The following ACSBG2 variants were observed in gnomAD, a reference collection of about 807,000 sequenced individuals.
The protein encoded by ACSBG2 is long-chain-fatty-acid--CoA ligase ACSBG2.
In ACSBG2, 62 loss-of-function variants were observed where a neutral mutation model predicts 74.7. That is an observed-to-expected ratio of 0.83 (90% CI 0.68 to 1.03). The LOEUF (loss-of-function observed/expected upper bound fraction) is 1.03, where lower values mean the gene tolerates loss of function less well. Among genes scored for constraint, ACSBG2 ranks in the 50% least tolerant of loss-of-function variants. The probability of loss-of-function intolerance (pLI) is 0.00; values close to 1 mark genes in which losing one functional copy is unlikely to be tolerated. For synonymous variants in ACSBG2, 309 were observed against 294.1 expected, an observed-to-expected ratio of 1.05 and a Z score of -0.52; for missense variants, 730 against 817.6, an observed-to-expected ratio of 0.89 and a Z score of 1.31.
At chr19:6,145,888 G>C (rs1349908848) in intron 2 of ACSBG2, among the ~76,000 whole-genome samples, 2 of 152,086 alleles carry the variant, frequency 1.3e-5, no homozygotes, top group African/African-American at 4.8e-5. Context: ...GTCTGGCATT[G>C]GGGGAGAGGG....
intron 4 of ACSBG2, among the ~76,000 whole-genome samples, chr19:6,155,165 G>A (rs1352276115): frequency 6.6e-6 from 1 of 151,976 alleles, no homozygotes; most frequent in African/African-American, 2.4e-5. Flanking sequence ...CCCAGAAATA[G>A]CTCCATGCAT....
Position 6,147,331 on chromosome 19 carries a change from A to C in ACSBG2, c.68-115A>C, listed in dbSNP as rs184523718. ...GTTGACCACATAACTTCACCCTAGA[A>C]GGGGATTAATTCAACTCTCAGCACC... On this transcript the variant is annotated intron_variant, in intron 2 of 14. Coordinates refer to ENST00000588485, the MANE Select transcript of ACSBG2 (RefSeq NM_030924.5). 3.6e-3 allele frequency: 2,669 copies of C among 746,418 alleles called. 11 individuals carry two copies. The highest frequency in any genetic ancestry group is 5.0e-3 in the Non-Finnish European group (2,265 of 449,532). The allele number at this position is 746,418 out of a possible 1,614,324, so 46.2% of individuals were successfully genotyped here.
At chr19:6,181,218 T>G (rs1600117638) in intron 8 of ACSBG2, among the ~76,000 whole-genome samples, 1 of 87,274 alleles carries the variant, frequency 1.1e-5, no homozygotes, top group African/African-American at 6.3e-5. Context: ...AGGGAGACTG[T>G]GTCAAAAAAA....
intron 7 of ACSBG2, among the ~76,000 whole-genome samples, chr19:6,171,830 C>A (rs978882467): frequency 4.6e-5 from 7 of 151,532 alleles, no homozygotes; most frequent in African/African-American, 1.7e-4. Flanking sequence ...AATTTTTCTT[C>A]TTTTCTCTCA....
Position 6,182,750 on chromosome 19 carries a change from G to A in ACSBG2, c.907-1G>A, listed in dbSNP as rs778739485. The A allele has an allele frequency of 1.2e-6, 2 of 1,613,610 alleles. No homozygotes were observed. Among genetic ancestry groups the A allele is most frequent in the South Asian group, 2.2e-5 (2 of 91,016 alleles). On this transcript the variant is annotated splice_acceptor_variant, in intron 8 of 14. Coordinates refer to ENST00000588485, the MANE Select transcript of ACSBG2 (RefSeq NM_030924.5). LOFTEE classifies it high-confidence loss of function. ...GGCTAACCTAGCTTCGTTCCATACA[G>A]GGCACCTTGGTAAGTACTCTAAAGG...
Position 6,166,005 on chromosome 19 carries a change from G to C in ACSBG2, c.728G>C (p.Ser243Thr), listed in dbSNP as rs1476458063. ...GGCATACCCAAGGGAGTGATGCTCAGTCATGACAACGTACGCCAAAGTCCC... is the reference window on the plus strand; with the variant it reads ...GGCATACCCAAGGGAGTGATGCTCACTCATGACAACGTACGCCAAAGTCCC... Reference protein sequence around the residue: ...TTGIPKGVMLSHDNITWIAGA... With the variant: ...TTGIPKGVMLTHDNITWIAGA... The change falls in exon 7 of 15, where the codon AGT becomes ACT. Residue 243 changes from serine to threonine, a missense_variant. Physicochemically the swap from Ser to Thr is moderately conservative, Grantham distance 58. Coordinates refer to ENST00000588485, the MANE Select transcript of ACSBG2 (RefSeq NM_030924.5). The C allele has an allele frequency of 6.2e-7, 1 of 1,614,036 alleles. No individual in the cohort carries two copies. Among genetic ancestry groups the C allele is most frequent in the South Asian group, 1.1e-5 (1 of 91,072 alleles).
chr19:6,147,624 T>C lies in ACSBG2; in HGVS notation c.246T>C (p.Asn82=). 2.5e-6 allele frequency: 4 copies of C among 1,614,234 alleles called. No individual in the cohort carries two copies. The South Asian group carries it at 4.4e-5, about 18-fold the overall frequency. The part of the protein sequence containing the change: ...SKNGKKWEIL[N]FNQYYEACRK... ...ATGGCAAAAAGTGGGAAATTCTGAA[T>C]TTCAACCAGTACTATGAGGCTTGTC... Residue 82 remains asparagine, a synonymous_variant, in exon 3 of 15, where the codon AAT becomes AAC. Transcript: ENST00000588485.
chr19:6,138,661 A>AGGG, intron 1 of ACSBG2, among the ~76,000 whole-genome samples: 1 of 99,322 alleles, frequency 1.0e-5, no homozygotes, highest in African/African-American at 4.6e-5. Context: ...GAAGGAAGAA[A>AGGG]GAAAAGGCAG....
chr19:6,155,154 G>A (rs2089376515), intron 4 of ACSBG2, among the ~76,000 whole-genome samples: 1 of 152,096 alleles, frequency 6.6e-6, no homozygotes, highest in South Asian at 2.1e-4. Context: ...AGAGCAGAGA[G>A]CCCAGAAATA....
At chr19:6,152,731 G>C (rs1476636252) in intron 4 of ACSBG2, among the ~76,000 whole-genome samples, 1 of 152,012 alleles carries the variant, frequency 6.6e-6, no homozygotes, top group African/African-American at 2.4e-5. Context: ...TATGCACAAA[G>C]ATACTTCTTG....
At chr19:6,146,385 G>A (rs575807618) in intron 2 of ACSBG2, among the ~76,000 whole-genome samples, 9 of 152,172 alleles carry the variant, frequency 5.9e-5, no homozygotes, top group East Asian at 1.9e-4. Context: ...CAGAAGAATC[G>A]CTTGAACCTG....
rs775414051 is a variant in ACSBG2 at position 6,165,868 on chromosome 19, G to T, written c.591G>T (p.Trp197Cys). The T allele has an allele frequency of 1.1e-5, 17 of 1,614,012 alleles. No individual in the cohort carries two copies. In the South Asian group the frequency reaches 1.9e-4, roughly 18 times the overall value. The part of the protein sequence containing the change: ...PMKKNNNLYS[W>C]DDFMELGRSI... ...CCGCTTGTCTTTTCTGTCCACAGTG[G>T]GATGATTTCATGGAACTTGGCAGAA... Residue 197 changes from tryptophan to cysteine, a missense_variant and splice_region_variant, in exon 7 of 15, where the codon TGG (tryptophan) becomes TGT (cysteine). Trp to Cys is a radical substitution (Grantham distance 215, BLOSUM62 -2). Coordinates refer to ENST00000588485, the MANE Select transcript of ACSBG2 (RefSeq NM_030924.5).
At chr19:6,140,726 G>C (rs2088793446) in intron 1 of ACSBG2, among the ~76,000 whole-genome samples, 2 of 152,084 alleles carry the variant, frequency 1.3e-5, no homozygotes, top group Admixed American at 1.3e-4. Context: ...GAAAGAGGTG[G>C]CATTGATTTT....
At chr19:6,140,905 C>T (rs78156549) in intron 1 of ACSBG2, among the ~76,000 whole-genome samples, 5,496 of 152,196 alleles carry the variant, frequency 0.036, 206 homozygotes, top group African/African-American at 0.1. Context: ...AGTCATTTTT[C>T]AGTTTCAGAT....
intron 6 of ACSBG2, among the ~76,000 whole-genome samples, chr19:6,162,566 CAAAAAA>C (rs58138677): frequency 2.4e-5 from 2 of 84,206 alleles, no homozygotes; most frequent in Non-Finnish European, 4.5e-5. Flanking sequence ...GACTCCGTCT[CAAAAAA>C]AAAAAAAAAA....
At chr19:6,173,717 A>G (rs927781985) in intron 7 of ACSBG2, among the ~76,000 whole-genome samples, 3 of 152,028 alleles carry the variant, frequency 2.0e-5, no homozygotes, top group Admixed American at 2.0e-4. Flanking sequence ...CTTCCTGAAA[A>G]CTGACATCTG....
intron 14 of ACSBG2, chr19:6,191,890 C>T (rs1363268166): frequency 6.6e-6 from 1 of 152,000 alleles, no homozygotes; most frequent in Non-Finnish European, 1.5e-5. Flanking sequence ...TCATCTTTCA[C>T]AAGATTTCCA....
intron 6 of ACSBG2, among the ~76,000 whole-genome samples, chr19:6,161,762 G>A (rs1253853816): frequency 6.6e-6 from 1 of 152,030 alleles, no homozygotes; most frequent in Non-Finnish European, 1.5e-5. Flanking sequence ...GGACGTAGGC[G>A]GGACCTTTGG....
intron 7 of ACSBG2, among the ~76,000 whole-genome samples, chr19:6,170,635 T>G (rs770046364): frequency 5.9e-5 from 9 of 152,144 alleles, no homozygotes; most frequent in Non-Finnish European, 1.2e-4. Context: ...TTTTTTAAAT[T>G]TATTAAGACT....
Sources: allele counts gnomAD v4.1 joint callset (sites outside exome capture counted in the v4.1 genomes callset), GRCh38; gene constraint gnomAD v4.1.1; transcripts MANE v1.5; gene names NCBI Gene and HGNC (gene_info 2026-07-23, HGNC 2026-07-21).